Variants in NRP2 observed in about 807,000 individuals in gnomAD.
NRP2 encodes the protein neuropilin 2.
In NRP2, 52 loss-of-function variants were observed where a neutral mutation model predicts 110.4. The ratio of observed to expected loss-of-function variants is 0.47; its 90% CI spans 0.38 to 0.59. The LOEUF is 0.59. Ranked by LOEUF, NRP2 falls within the 20% of genes least tolerant of loss-of-function variation. NRP2 has a pLI of 0.00. For missense variants in NRP2, 1,049 were observed against 1,203.0 expected (o/e 0.87, Z 1.89); for synonymous variants, 508 against 468.9 (o/e 1.08, Z -1.08).
chr2:205,789,090 C>T (rs1282275386), intron 15 of NRP2, among the ~76,000 whole-genome samples: 1 of 152,154 alleles, frequency 6.6e-6, no homozygotes, highest in Non-Finnish European at 1.5e-5. Context: ...AACAGGCAAC[C>T]AAAGTGTGTA....
At position 205,713,450 on chromosome 2, in the gene NRP2, C is replaced by T. The variant is rs140013930; in HGVS notation, c.252-2743C>T. 9.9e-5 allele frequency among the ~76,000 whole-genome samples: 15 copies of T among 152,264 alleles called. No individual in the cohort carries two copies. The East Asian group carries it at 2.9e-3, about 29-fold the overall frequency. On this transcript the variant is annotated intron_variant, in intron 2 of 16. Coordinates refer to ENST00000357785, the MANE Select transcript of NRP2 (RefSeq NM_003872.3). ...GATGATGAACTTCCTTCTACATCTG[C>T]TAAATCATGACAGCTGGATTCTTTT...
At chr2:205,752,063 C>G (rs1350285742) in intron 11 of NRP2, among the ~76,000 whole-genome samples, 1 of 152,186 alleles carries the variant, frequency 6.6e-6, no homozygotes, top group Admixed American at 6.5e-5. Flanking sequence ...AGACAGGACA[C>G]CACTGTGTCA....
At chr2:205,711,121 G>A (rs890526866) in intron 2 of NRP2, among the ~76,000 whole-genome samples, 7 of 152,164 alleles carry the variant, frequency 4.6e-5, no homozygotes, top group African/African-American at 1.2e-4. Flanking sequence ...CAAACTCCAC[G>A]GAAAGCATCA....
chr2:205,767,011 T>C, intron 15 of NRP2: 1 of 614,236 alleles, frequency 1.6e-6, no homozygotes, highest in Middle Eastern at 2.8e-4. Flanking sequence ...TCTTGTTTAA[T>C]TAAAGTTTAG....
At chr2:205,794,627 C>G in intron 16 of NRP2, 127 bp from the exon 17 acceptor site, 1 of 969,302 alleles carries the variant, frequency 1.0e-6, no homozygotes, top group Non-Finnish European at 1.6e-6. Context: ...TGAACCCAGG[C>G]AGTCTAATTC....
At chr2:205,739,928 C>T (rs1436622970) in intron 7 of NRP2, 1 of 196,744 alleles carries the variant, frequency 5.1e-6, no homozygotes, top group Non-Finnish European at 1.0e-5. Flanking sequence ...GTCTGCAACC[C>T]TGACCCTGCC....
intron 12 of NRP2, among the ~76,000 whole-genome samples, chr2:205,760,596 G>A (rs1425626943): frequency 3.3e-5 from 5 of 152,030 alleles, no homozygotes; most frequent in Non-Finnish European, 7.4e-5. Flanking sequence ...TCATTTTATC[G>A]TGAGAGGGAG....
intron 12 of NRP2, chr2:205,756,474 G>A (rs2057736952): frequency 6.6e-6 from 1 of 152,124 alleles, no homozygotes; most frequent in Non-Finnish European, 1.5e-5. Flanking sequence ...GAATATTGTA[G>A]CCATGAGCCA....
Position 205,683,447 on chromosome 2 carries a change from C to G in NRP2, c.73+84C>G, listed in dbSNP as rs777119656. On this transcript the variant is annotated intron_variant, in intron 1 of 16. Coordinates refer to ENST00000357785, the MANE Select transcript of NRP2 (RefSeq NM_003872.3). ...GCTAAAGCAGGAAGGCCACGCAGAA[C>G]GGCACAGAAGAAGGCTCCCTCAGTA... 3.2e-4 allele frequency: 304 copies of G among 962,508 alleles called. 1 individual carries two copies. Among genetic ancestry groups the G allele is most frequent in the Admixed American group, 3.1e-4 (17 of 54,020 alleles). 59.6% of individuals were successfully genotyped at this position (962,508 alleles called of 1,614,324 possible).
At position 205,723,872 on chromosome 2, in the gene NRP2, C is replaced by T. The variant is rs113330212; in HGVS notation, c.752C>T (p.Thr251Met). The T allele has an allele frequency of 3.1e-6, 5 of 1,614,190 alleles. No individual in the cohort carries two copies. The highest frequency in any genetic ancestry group is 1.7e-5 in the Admixed American group (1 of 60,028). ...GGGATCCTCTCCCTGACCTTTCACA[C>T]GGACATGGCGGTGGCCAAGGATGGC... ...STGILSLTFH[T>M]DMAVAKDGFS... Residue 251 changes from threonine (T) to methionine (M), a missense_variant, in exon 5 of 17, where the codon ACG (threonine) becomes ATG (methionine). Transcript: ENST00000357785.
chr2:205,730,484 T>A (rs1391837109), intron 7 of NRP2, among the ~76,000 whole-genome samples: 2 of 152,088 alleles, frequency 1.3e-5, no homozygotes, highest in Non-Finnish European at 1.5e-5. Context: ...TAACTGGTGC[T>A]AAGTGGTGGG....
At chr2:205,719,336 G>C (rs2056965427) in intron 3 of NRP2, among the ~76,000 whole-genome samples, 1 of 152,092 alleles carries the variant, frequency 6.6e-6, no homozygotes, top group South Asian at 2.1e-4. Flanking sequence ...TGGCGTGGAA[G>C]GTTCATGTCT....
intron 15 of NRP2, chr2:205,778,086 T>C (rs149816267): frequency 6.6e-6 from 1 of 152,256 alleles, no homozygotes; most frequent in Non-Finnish European, 1.5e-5. Context: ...TCTCAGTGTA[T>C]GAGGTCTCAG....
rs1277694924 is a variant in NRP2 at position 205,751,214 on chromosome 2, ACAAT to A, written c.1903+1377_1903+1380del. Among the ~76,000 whole-genome samples, 6 of 152,288 alleles carry A rather than the reference ACAAT, an allele frequency of 3.9e-5. 1 individual carries two copies. Among genetic ancestry groups the A allele is most frequent in the African/African-American group, 1.2e-4 (5 of 41,564 alleles). ...CTGGAGTGGGGGTTCTAGCTAAATG[ACAAT>A]CAAAGGAAAAATTAAGGGTTCTGCT... On this transcript the variant is annotated intron_variant, in intron 11 of 16. Coordinates refer to ENST00000357785, the MANE Select transcript of NRP2 (RefSeq NM_003872.3).
chr2:205,740,734 C>A, intron 8 of NRP2, 71 bp downstream of exon 8: 5 of 1,564,816 alleles, frequency 3.2e-6, no homozygotes, highest in Non-Finnish European at 4.4e-6. Flanking sequence ...CAACTCTCTG[C>A]AAACAGCATG....
At chr2:205,722,172 T>TACACACAC (rs10646445) in intron 3 of NRP2, 392 of 280,246 alleles carry the variant, frequency 1.4e-3, no homozygotes, top group Admixed American at 3.1e-3. Flanking sequence ...CTCTCTCTCA[T>TACACACAC]ACACACACAC....
chr2:205,695,882 CA>C lies in NRP2; in HGVS notation c.74-1661del, dbSNP rs948386397. Among the ~76,000 whole-genome samples the C allele has an allele frequency of 4.1e-4, 63 of 152,006 alleles. 1 individual carries two copies. The highest frequency in any genetic ancestry group is 1.4e-3 in the African/African-American group (60 of 41,486). ...CTGGAAAGCCTATGGGTATTGGCTG[CA>C]GAGGAGCTGGGCCTCATGGCTGGCC... On this transcript the variant is annotated intron_variant, in intron 1 of 16. Transcript: ENST00000357785.
intron 2 of NRP2, among the ~76,000 whole-genome samples, chr2:205,713,729 T>A (rs2056842467): frequency 6.6e-6 from 1 of 152,218 alleles, no homozygotes; most frequent in Non-Finnish European, 1.5e-5. Context: ...TTTATAAATA[T>A]CCCAGATGGA....
intron 1 of NRP2, among the ~76,000 whole-genome samples, chr2:205,696,879 GAAATAATAAATC>G (rs2056439620): frequency 6.6e-6 from 1 of 152,158 alleles, no homozygotes; most frequent in Admixed American, 6.5e-5. Context: ...GGTGTATAAT[GAAATAATAAATC>G]AAATTTGTGG....
Sources: gnomAD v4.1 joint callset for allele counts (sites outside exome capture counted in the v4.1 genomes callset) on GRCh38, gnomAD v4.1.1 for gene constraint, MANE v1.5 for transcripts, NCBI Gene and HGNC (gene_info 2026-07-23, HGNC 2026-07-21) for gene names.